Variants in LMOD2 observed in about 807,000 individuals in gnomAD.
The protein encoded by LMOD2 is leiomodin 2.
Under a neutral mutation model 41.7 loss-of-function variants are expected in LMOD2, and 27 were observed. The observed-to-expected ratio is 0.65, with a 90% CI of 0.48 to 0.89. LMOD2 has a LOEUF of 0.89. Among genes scored for constraint, LMOD2 ranks in the 40% least tolerant of loss-of-function variants. LMOD2 has a pLI of 0.00. For missense variants in LMOD2, 624 were observed against 667.9 expected, an observed-to-expected ratio of 0.93 and a Z score of 0.72; for synonymous variants, 251 against 244.6, an observed-to-expected ratio of 1.03 and a Z score of -0.25.
At chr7:123,657,239 C>CA (rs368995159) in intron 1 of LMOD2, among the ~76,000 whole-genome samples, 175 of 148,754 alleles carry the variant, frequency 1.2e-3, no homozygotes, top group African/African-American at 3.7e-3. Context: ...GTCCATATAA[C>CA]AAAAAAAAAA....
chr7:123,663,488 ATAATC>A, intron 2 of LMOD2: 1 of 604,464 alleles, frequency 1.7e-6, no homozygotes, highest in Non-Finnish European at 2.9e-6. Context: ...ACCAGGGAAT[ATAATC>A]TAAATTCCAA....
At chr7:123,663,309 C>A in intron 2 of LMOD2, 106 bp downstream of exon 2, 1 of 1,346,042 alleles carries the variant, frequency 7.4e-7, no homozygotes, top group Non-Finnish European at 1.0e-6. Flanking sequence ...TCAATACTTT[C>A]AATATTTTAG....
At chr7:123,661,372 T>C (rs570737840) in intron 1 of LMOD2, among the ~76,000 whole-genome samples, 1 of 152,340 alleles carries the variant, frequency 6.6e-6, no homozygotes, top group Admixed American at 6.5e-5. Context: ...ATTTTTGAAT[T>C]AAAAAGGGAA....
chr7:123,659,867 G>A (rs1408728901), intron 1 of LMOD2, among the ~76,000 whole-genome samples: 1 of 152,142 alleles, frequency 6.6e-6, no homozygotes, highest in Non-Finnish European at 1.5e-5. Flanking sequence ...CACAGTTTCA[G>A]ATATTATCTG....
At chr7:123,661,358 G>A (rs768057321) in intron 1 of LMOD2, among the ~76,000 whole-genome samples, 60 of 152,282 alleles carry the variant, frequency 3.9e-4, no homozygotes, top group East Asian at 3.9e-4. Flanking sequence ...TGGAAAATTT[G>A]GGAATTTTTG....
In LMOD2 at chr7:123,663,207, A is replaced by G; in HGVS notation, c.1617+4A>G. 1 of 1,560,298 alleles carries G rather than the reference A, an allele frequency of 6.4e-7. No individual in the cohort carries two copies. On this transcript the variant is annotated splice_donor_region_variant and intron_variant, in intron 2 of 2. Transcript: ENST00000458573. ...CAGCATAAAACAGCTAAAGCGGGTA[A>G]GTAACCAGAGAACAGACATAGGGGC...
chr7:123,663,619 T>G (rs1054968397), intron 2 of LMOD2, 100 bp from the exon 3 acceptor site: 11 of 965,162 alleles, frequency 1.1e-5, no homozygotes, highest in Admixed American at 2.2e-5. Flanking sequence ...ATAATCAACC[T>G]GAGTTCTTCT....
At position 123,663,718 on chromosome 7, in the gene LMOD2, G is replaced by C; in HGVS notation, c.1618-1G>C. On this transcript the variant is annotated splice_acceptor_variant, in intron 2 of 2. Transcript: ENST00000458573. LOFTEE classifies it high-confidence loss of function. ...TGAGAGAAAATCCGCTATTTTTGTA[G>C]GTGGAAGTTCCAGAAGCCCTGCGAT... 6.3e-7 allele frequency: 1 copy of C among 1,578,662 alleles called. No homozygotes were observed. Among genetic ancestry groups the C allele is most frequent in the Non-Finnish European group, 8.6e-7 (1 of 1,160,156 alleles).
In LMOD2 at chr7:123,661,941, G is replaced by A. The variant is rs1014498744; in HGVS notation, c.355G>A (p.Glu119Lys). Reference protein sequence around the residue: ...NSEVSEEVYTEEEEEESQEEE... With the variant: ...NSEVSEEVYTKEEEEESQEEE... The stretch of plus-strand genomic sequence containing the variant: ...TGAGGTTTCTGAGGAAGTGTATACA[G>A]AGGAGGAGGAGGAGGAGTCCCAGGA... The change falls in exon 2 of 3, where the codon GAG (glutamate) becomes AAG (lysine). Residue 119 changes from glutamate (E) to lysine (K), a missense_variant. By Grantham distance (56) the Glu-to-Lys change is moderately conservative. Transcript: ENST00000458573. 1 of 1,508,480 alleles carries A rather than the reference G, an allele frequency of 6.6e-7. No individual in the cohort carries two copies. The highest frequency in any genetic ancestry group is 2.0e-5 in the Admixed American group (1 of 49,532). 93.4% of individuals were successfully genotyped at this position (1,508,480 alleles called of 1,614,324 possible). A position where few individuals can be genotyped will look rare whatever the true frequency, so the allele number is the denominator to read the frequency against.
rs1250732254 is a variant in LMOD2 at position 123,661,977 on chromosome 7, G to A, written c.391G>A (p.Glu131Lys). The A allele has an allele frequency of 6.4e-7, 1 of 1,559,540 alleles. No homozygotes were observed. The highest frequency in any genetic ancestry group is 8.7e-7 in the Non-Finnish European group (1 of 1,150,996). Reference sequence around the variant, plus strand: ...GGAGGAGTCCCAGGAGGAAGAGGAGGAAGAAGACAGTGACGAAGAGGAAAG... The same window carrying A: ...GGAGGAGTCCCAGGAGGAAGAGGAGAAAGAAGACAGTGACGAAGAGGAAAG... The part of the protein sequence containing the change: ...EEEESQEEEE[E>K]EDSDEEERTI... Residue 131 changes from glutamate (E) to lysine (K), a missense_variant, in exon 2 of 3, where the codon GAA becomes AAA. Physicochemically the swap from Glu to Lys is moderately conservative, Grantham distance 56. Coordinates refer to ENST00000458573, the MANE Select transcript of LMOD2 (RefSeq NM_207163.3).
chr7:123,656,444 T>C (rs1802789108), intron 1 of LMOD2, among the ~76,000 whole-genome samples: 1 of 152,218 alleles, frequency 6.6e-6, no homozygotes, highest in Admixed American at 6.5e-5. Context: ...AAATTCTTAA[T>C]TGGGGCTCTT....
At chr7:123,660,599 A>G (rs2116735778) in intron 1 of LMOD2, among the ~76,000 whole-genome samples, 1 of 152,132 alleles carries the variant, frequency 6.6e-6, no homozygotes, top group Non-Finnish European at 1.5e-5. Context: ...AAAAAAAAAA[A>G]AGTTGCCAAT....
chr7:123,664,081 A>C lies in LMOD2; in HGVS notation c.*336A>C, dbSNP rs150735388. 27 of 239,546 alleles carry C rather than the reference A, an allele frequency of 1.1e-4. No homozygotes were observed. The East Asian group carries it at 2.2e-3, about 19-fold the overall frequency. 14.8% of individuals were successfully genotyped at this position (239,546 alleles called of 1,614,324 possible). A position where few individuals can be genotyped will look rare whatever the true frequency, so the allele number is the denominator to read the frequency against. ...TGTAATCTCAATAAATGTGGATTGAAGTTTTTTCCCTTTTTTTAAAGCCAA... is the reference window on the plus strand; with the variant it reads ...TGTAATCTCAATAAATGTGGATTGACGTTTTTTCCCTTTTTTTAAAGCCAA... On this transcript the variant is annotated 3_prime_UTR_variant, in exon 3 of 3. Coordinates refer to ENST00000458573, the MANE Select transcript of LMOD2 (RefSeq NM_207163.3).
rs756545544 is a variant in LMOD2 at position 123,656,217 on chromosome 7, G to T, written c.254G>T (p.Arg85Met). 3 of 1,608,066 alleles carry T rather than the reference G, an allele frequency of 1.9e-6. No individual in the cohort carries two copies. The East Asian group carries it at 6.7e-5, about 36-fold the overall frequency. The change falls in exon 1 of 3, where the codon AGG becomes ATG. Residue 85 changes from arginine (R) to methionine (M), a missense_variant. Coordinates refer to ENST00000458573, the MANE Select transcript of LMOD2 (RefSeq NM_207163.3). ...TCCCAAAAACTCTTGGAGAAGGAGAGGCTGGGGGAATGTGGAAAGGTAGGC... is the reference window on the plus strand; with the variant it reads ...TCCCAAAAACTCTTGGAGAAGGAGATGCTGGGGGAATGTGGAAAGGTAGGC... ...KESQKLLEKE[R>M]LGECGKVAED... is the part of the protein sequence containing the mutation.
At chr7:123,659,237 C>T (rs1481382390) in intron 1 of LMOD2, among the ~76,000 whole-genome samples, 1 of 152,242 alleles carries the variant, frequency 6.6e-6, no homozygotes, top group Admixed American at 6.5e-5. Context: ...TCATCTCCCA[C>T]CTCCTTATTC....
rs750679802 is a variant in LMOD2 at position 123,662,419 on chromosome 7, A to G, written c.833A>G (p.Asn278Ser). ...ATCACCAACGTAAACGTCGAGTCCA[A>G]CTTCATAACGGGAAAGGGGATCCTG... Reference protein sequence around the residue: ...EHITNVNVESNFITGKGILAI... With the variant: ...EHITNVNVESSFITGKGILAI... The change falls in exon 2 of 3, where the codon AAC becomes AGC. Residue 278 changes from asparagine (N) to serine (S), a missense_variant. By Grantham distance (46) the Asn-to-Ser change is conservative. Coordinates refer to ENST00000458573, the MANE Select transcript of LMOD2 (RefSeq NM_207163.3). The surrounding 1 kb of genome is among the most constrained non-coding windows in gnomAD (Gnocchi z 4.0). 2 of 1,613,988 alleles carry G rather than the reference A, an allele frequency of 1.2e-6. No individual in the cohort carries two copies. Among genetic ancestry groups the G allele is most frequent in the East Asian group, 4.5e-5 (2 of 44,870 alleles).
At chr7:123,660,218 C>G (rs995579773) in intron 1 of LMOD2, among the ~76,000 whole-genome samples, 4 of 151,792 alleles carry the variant, frequency 2.6e-5, no homozygotes, top group Admixed American at 2.0e-4. Context: ...TTGGCTAGAG[C>G]CACACTCTTT....
rs76421411 is a variant in LMOD2, at chr7:123,663,351, A to G, written c.1617+148A>G. On this transcript the variant is annotated intron_variant, in intron 2 of 2. Coordinates refer to ENST00000458573, the MANE Select transcript of LMOD2 (RefSeq NM_207163.3). ...AGAGCAAACACACCAAGTTTGAAACATTAGGAGCAGGCACACAAGTGAGCA... is the reference window on the plus strand; with the variant it reads ...AGAGCAAACACACCAAGTTTGAAACGTTAGGAGCAGGCACACAAGTGAGCA... 3.1e-3 allele frequency: 3,187 copies of G among 1,020,214 alleles called. 60 individuals are homozygous for G. The African/African-American group carries it at 0.047, about 15-fold the overall frequency. 63.2% of individuals were successfully genotyped at this position (1,020,214 alleles called of 1,614,324 possible).
intron 1 of LMOD2, among the ~76,000 whole-genome samples, chr7:123,661,520 G>A (rs1430191234): frequency 1.3e-5 from 2 of 152,206 alleles, no homozygotes; most frequent in African/African-American, 4.8e-5. Context: ...GTAAGAGTCG[G>A]TCCTCAGGAG....
Sources: gnomAD v4.1 joint callset for allele counts (sites outside exome capture counted in the v4.1 genomes callset) on GRCh38, gnomAD v4.1.1 for gene constraint, Gnocchi (gnomAD v3.1) non-coding constraint, MANE v1.5 for transcripts, NCBI Gene and HGNC (gene_info 2026-07-23, HGNC 2026-07-21) for gene names.